Variants in ARID5B observed in about 807,000 individuals in gnomAD.
ARID5B encodes AT-rich interactive domain-containing protein 5B.
ARID5B carries 13 observed loss-of-function variants against 97.2 expected under a neutral mutation model. The observed-to-expected ratio is 0.13, with a 90% CI of 0.09 to 0.21. The LOEUF is 0.21. Ranked by LOEUF, ARID5B falls within the 10% of genes least tolerant of loss-of-function variation. ARID5B has a pLI of 1.00. For missense variants in ARID5B, 1,210 were observed against 1,465.3 expected, an observed-to-expected ratio of 0.83 and a Z score of 2.84; for synonymous variants, 556 against 570.3, an observed-to-expected ratio of 0.97 and a Z score of 0.36.
At position 62,096,609 on chromosome 10, in the gene ARID5B, C is replaced by A. The variant is rs1840474279; in HGVS notation, c.*3579C>A. 1 of 233,352 alleles carries A rather than the reference C, an allele frequency of 4.3e-6. No homozygotes were observed. Among genetic ancestry groups the A allele is most frequent in the African/African-American group, 2.2e-5 (1 of 45,312 alleles). The allele number at this position is 233,352 out of a possible 1,614,324, so 14.5% of individuals were successfully genotyped here. The stretch of plus-strand genomic sequence containing the variant: ...GGCTGTTTATACTTTTTTAAACTTT[C>A]CTGTGTTGTAAATATTGTATACTTT... On this transcript the variant is annotated 3_prime_UTR_variant, in exon 10 of 10. Transcript: ENST00000279873.
At chr10:62,077,375 C>T (rs548973834) in intron 8 of ARID5B, among the ~76,000 whole-genome samples, 1 of 152,298 alleles carries the variant, frequency 6.6e-6, no homozygotes, top group South Asian at 2.1e-4. Flanking sequence ...AAAAAAATCT[C>T]TATTTAAAAA....
Position 62,055,219 on chromosome 10 carries a change from G to A in ARID5B, c.847-1898G>A, listed in dbSNP as rs143493729. ...CCAATTTAATATTTGTATTAAGAGT[G>A]TCAGAAAAGTATAACATTTAAAACC... is the stretch of plus-strand genomic sequence containing the variant. On this transcript the variant is annotated intron_variant, in intron 5 of 9. Coordinates refer to ENST00000279873, the MANE Select transcript of ARID5B (RefSeq NM_032199.3). 2.0e-5 allele frequency among the ~76,000 whole-genome samples: 3 copies of A among 152,274 alleles called. No homozygotes were observed. In the East Asian group the frequency reaches 5.8e-4, roughly 29 times the overall value.
intron 3 of ARID5B, among the ~76,000 whole-genome samples, chr10:61,957,015 C>G (rs565469236): frequency 6.6e-6 from 1 of 152,102 alleles, no homozygotes; most frequent in South Asian, 2.1e-4. Flanking sequence ...AAGTGATCCT[C>G]CCACCTCAGC....
chr10:61,918,947 T>C (rs952286419), intron 2 of ARID5B, among the ~76,000 whole-genome samples: 5 of 148,648 alleles, frequency 3.4e-5, no homozygotes, highest in African/African-American at 1.2e-4. Context: ...GGCAGGAGAA[T>C]CTCTTGAACC....
At chr10:61,947,147 C>T (rs959881104) in intron 3 of ARID5B, among the ~76,000 whole-genome samples, 17 of 152,058 alleles carry the variant, frequency 1.1e-4, no homozygotes, top group Non-Finnish European at 2.1e-4. Flanking sequence ...GAGATTGCCT[C>T]ATGCCGTTAT....
At chr10:61,933,402 A>G (rs1844246442) in intron 2 of ARID5B, among the ~76,000 whole-genome samples, 1 of 152,230 alleles carries the variant, frequency 6.6e-6, no homozygotes, top group African/African-American at 2.4e-5. Context: ...ATCTGAATGT[A>G]CTTAATGGCA....
rs978333830 is a variant in ARID5B at position 62,096,454 on chromosome 10, T to G, written c.*3424T>G. Reference sequence around the variant, plus strand: ...AAGAGAAATGGGAATGAGTTTGCCCTGGTGAGACCCATACCATTGCAATGA... The same window carrying G: ...AAGAGAAATGGGAATGAGTTTGCCCGGGTGAGACCCATACCATTGCAATGA... On this transcript the variant is annotated 3_prime_UTR_variant, in exon 10 of 10. Coordinates refer to ENST00000279873, the MANE Select transcript of ARID5B (RefSeq NM_032199.3). 3.0e-5 allele frequency: 7 copies of G among 233,460 alleles called. No homozygotes were observed. The highest frequency in any genetic ancestry group is 5.1e-5 in the Non-Finnish European group (6 of 118,030). The allele number at this position is 233,460 out of a possible 1,614,324, so 14.5% of individuals were successfully genotyped here.
At chr10:61,947,013 T>C (rs1455011869) in intron 3 of ARID5B, among the ~76,000 whole-genome samples, 1 of 152,226 alleles carries the variant, frequency 6.6e-6, no homozygotes, top group Non-Finnish European at 1.5e-5. Flanking sequence ...CTTGTAAAGA[T>C]ACTTTCCAAA....
Position 62,000,050 on chromosome 10 carries a change from A to G in ARID5B, c.503-41A>G, listed in dbSNP as rs2132867358. 1 of 1,585,308 alleles carries G rather than the reference A, an allele frequency of 6.3e-7. No homozygotes were observed. The highest frequency in any genetic ancestry group is 1.1e-5 in the South Asian group (1 of 90,396). ...ACCATGGCCATGAAAGTTCTTTGTC[A>G]GAGGGAAGAGGGTAATGGAAGTGTT... is the stretch of plus-strand genomic sequence containing the variant. On this transcript the variant is annotated intron_variant, in intron 3 of 9. Transcript: ENST00000279873. This position sits in a 1 kb window ranked among gnomAD's most constrained non-coding sequence, Gnocchi z 4.4.
chr10:62,033,741 A>G (rs549072859), intron 4 of ARID5B, among the ~76,000 whole-genome samples: 1 of 152,328 alleles, frequency 6.6e-6, no homozygotes, highest in East Asian at 1.9e-4. Flanking sequence ...CAGTGTGCCA[A>G]ATAATGTGCA....
chr10:62,058,693 G>C (rs189136214), intron 6 of ARID5B, among the ~76,000 whole-genome samples: 2 of 152,130 alleles, frequency 1.3e-5, no homozygotes, highest in Non-Finnish European at 2.9e-5. Context: ...TGGCCTCCAC[G>C]TGAAATATTT....
intron 4 of ARID5B, among the ~76,000 whole-genome samples, chr10:62,038,791 T>C (rs1177475970): frequency 6.6e-6 from 1 of 152,244 alleles, no homozygotes; most frequent in Non-Finnish European, 1.5e-5. Context: ...TGTTAGTTTC[T>C]GCGGGTTTTT....
chr10:61,967,017 A>T (rs1314492653), intron 3 of ARID5B, among the ~76,000 whole-genome samples: 3 of 152,084 alleles, frequency 2.0e-5, no homozygotes, highest in African/African-American at 7.2e-5. Context: ...AGCTCAGAAA[A>T]CCGGGCCTTT....
chr10:62,084,831 G>C (rs1327243113), intron 8 of ARID5B, among the ~76,000 whole-genome samples: 2 of 152,164 alleles, frequency 1.3e-5, no homozygotes, highest in African/African-American at 2.4e-5. Flanking sequence ...GAAATTTTCA[G>C]GCCTCTGGTT....
chr10:61,943,899 G>A (rs1844458551), intron 3 of ARID5B, among the ~76,000 whole-genome samples: 1 of 151,968 alleles, frequency 6.6e-6, no homozygotes, highest in Admixed American at 6.6e-5. Flanking sequence ...CCTTGAGGGA[G>A]CACATTTAGA....
At chr10:62,001,323 G>A (rs1227293605) in intron 4 of ARID5B, among the ~76,000 whole-genome samples, 2 of 152,130 alleles carry the variant, frequency 1.3e-5, no homozygotes, top group Non-Finnish European at 2.9e-5. Flanking sequence ...GTGACTGCTG[G>A]GATGGCTGAG....
intron 4 of ARID5B, among the ~76,000 whole-genome samples, chr10:62,008,190 G>A (rs1839171907): frequency 6.6e-6 from 1 of 152,068 alleles, no homozygotes; most frequent in African/African-American, 2.4e-5. Context: ...CCAGCACATA[G>A]TAGCTGTAGT....
chr10:62,083,283 AGAAAAAAAAAAAAAAATGAAAGAAAAAAT>A (rs1248312740), intron 8 of ARID5B, among the ~76,000 whole-genome samples: 3 of 97,694 alleles, frequency 3.1e-5, no homozygotes, highest in Non-Finnish European at 6.9e-5. Flanking sequence ...AGTGAAGGGG[AGAAAAAAAAAAAAAAATGAAAGAAAAAAT>A]GAAAAAAAAA....
At chr10:61,968,399 C>G (rs1320505422) in intron 3 of ARID5B, among the ~76,000 whole-genome samples, 1 of 151,558 alleles carries the variant, frequency 6.6e-6, no homozygotes, top group Non-Finnish European at 1.5e-5. Context: ...CCTGATGTCT[C>G]TTTCTGGTTA....
Sources: gnomAD v4.1 joint callset for allele counts (sites outside exome capture counted in the v4.1 genomes callset) on GRCh38, gnomAD v4.1.1 for gene constraint, Gnocchi (gnomAD v3.1) non-coding constraint, MANE v1.5 for transcripts, NCBI Gene and HGNC (gene_info 2026-07-23, HGNC 2026-07-21) for gene names.